Variants in ZFAT observed in about 807,000 individuals in gnomAD.
The protein encoded by ZFAT is zinc finger protein ZFAT.
In ZFAT, 64 loss-of-function variants were observed where a neutral mutation model predicts 117.7. That is an observed-to-expected ratio of 0.54 (90% CI 0.44 to 0.67). The LOEUF (loss-of-function observed/expected upper bound fraction) is 0.67, where lower values mean the gene tolerates loss of function less well. Among genes scored for constraint, ZFAT ranks in the 30% least tolerant of loss-of-function variants. The probability of loss-of-function intolerance (pLI) is 0.00; values close to 1 mark genes in which losing one functional copy is unlikely to be tolerated. For synonymous variants in ZFAT, 679 were observed against 615.0 expected (o/e 1.10, Z -1.54); for missense variants, 1,433 against 1,584.5 (o/e 0.90, Z 1.62).
At chr8:134,726,068 A>G in the ZFAT span, among the ~76,000 whole-genome samples, 32 of 152,054 alleles carry the variant, frequency 2.1e-4, no homozygotes, top group Non-Finnish European at 4.0e-4. Flanking sequence ...AACAGACAAG[A>G]GTCCTCCTTT....
intron 15 of ZFAT, 149 bp downstream of exon 15, chr8:134,509,470 A>G: frequency 9.6e-7 from 1 of 1,043,986 alleles, no homozygotes; most frequent in East Asian, 2.9e-5. Context: ...CCATGAGATC[A>G]GAGGTAGAAT....
intron 2 of ZFAT, among the ~76,000 whole-genome samples, chr8:134,645,700 C>T (rs1453517117): frequency 6.6e-6 from 1 of 152,208 alleles, no homozygotes; most frequent in Admixed American, 6.5e-5. Context: ...GTTTTAACTC[C>T]TCTGAGTCTC....
chr8:134,619,142 A>C lies in ZFAT; in HGVS notation c.449-8487T>G, dbSNP rs533667774. Among the ~76,000 whole-genome samples, 8 of 152,198 alleles carry C rather than the reference A, an allele frequency of 5.3e-5. No homozygotes were observed. In the South Asian group the frequency reaches 1.7e-3, roughly 32 times the overall value. ...GTCAAAAATGCACTTAAAACACCTA[A>C]CCTGCCAAATATCATAGCTTAGCCT... On this transcript the variant is annotated intron_variant, in intron 3 of 15. Transcript: ENST00000377838.
the ZFAT span, among the ~76,000 whole-genome samples, chr8:134,813,699 T>C: frequency 6.6e-6 from 1 of 152,082 alleles, no homozygotes; most frequent in African/African-American, 2.4e-5. Flanking sequence ...ATTAGAGGCG[T>C]GAGCCACCGT....
chr8:134,556,066 AGGAAGGAAG>A (rs760934540), intron 11 of ZFAT, among the ~76,000 whole-genome samples: 3,458 of 119,614 alleles, frequency 0.029, 147 homozygotes, highest in East Asian at 0.076. Flanking sequence ...GAAGGAAGGA[AGGAAGGAAG>A]GGAAGGAAGG....
chr8:134,678,645 G>A (rs990578904), intron 1 of ZFAT, among the ~76,000 whole-genome samples: 22 of 152,226 alleles, frequency 1.4e-4, no homozygotes, highest in African/African-American at 4.8e-4. Context: ...TAAGCAAAAA[G>A]AACAAAGCTG....
rs149759281 is a variant in ZFAT, at chr8:134,647,825, T to C, written c.196+9736A>G. Among the ~76,000 whole-genome samples, 487 of 152,192 alleles carry C rather than the reference T, an allele frequency of 3.2e-3. 2 individuals carry two copies. The highest frequency in any genetic ancestry group is 0.011 in the African/African-American group (441 of 41,552). Reference sequence around the variant, plus strand: ...TGAAAGATCCGTATACTAAAAACCATATCAATGAAAGACATTGAAGACGAC... The same window carrying C: ...TGAAAGATCCGTATACTAAAAACCACATCAATGAAAGACATTGAAGACGAC... On this transcript the variant is annotated intron_variant, in intron 2 of 15. Coordinates refer to ENST00000377838, the MANE Select transcript of ZFAT (RefSeq NM_020863.4).
intron 1 of ZFAT, among the ~76,000 whole-genome samples, chr8:134,695,179 G>T (rs1360524850): frequency 6.6e-6 from 1 of 152,116 alleles, no homozygotes; most frequent in African/African-American, 2.4e-5. Flanking sequence ...CCAGGGCAAG[G>T]GGGTTGCGTC....
intron 11 of ZFAT, among the ~76,000 whole-genome samples, chr8:134,557,253 A>T (rs1468817148): frequency 1.3e-5 from 2 of 152,228 alleles, no homozygotes; most frequent in Non-Finnish European, 2.9e-5. Flanking sequence ...ATCCAAACTG[A>T]GGGATATTCT....
At chr8:134,664,427 C>A (rs1586915698) in intron 1 of ZFAT, among the ~76,000 whole-genome samples, 1 of 152,360 alleles carries the variant, frequency 6.6e-6, no homozygotes, top group South Asian at 2.1e-4. Context: ...CTGGCCCTGA[C>A]AGTCAGACTC....
At chr8:134,514,980 C>T (rs1820150321) in intron 13 of ZFAT, among the ~76,000 whole-genome samples, 1 of 152,146 alleles carries the variant, frequency 6.6e-6, no homozygotes, top group Non-Finnish European at 1.5e-5. Context: ...CCCAACAGGC[C>T]CTGGTGTGTG....
the ZFAT span, among the ~76,000 whole-genome samples, chr8:134,759,196 A>T: frequency 1.3e-5 from 2 of 152,242 alleles, no homozygotes; most frequent in African/African-American, 4.8e-5. Flanking sequence ...AAGTTTATGA[A>T]AACTTACACA....
chr8:134,517,754 C>A (rs983706050), intron 13 of ZFAT, among the ~76,000 whole-genome samples: 1 of 152,172 alleles, frequency 6.6e-6, no homozygotes, highest in Non-Finnish European at 1.5e-5. Context: ...TCTTTCATGA[C>A]CTTGACGCTT....
the ZFAT span, chr8:134,783,892 G>A: frequency 9.2e-5 from 14 of 152,218 alleles, no homozygotes; most frequent in Admixed American, 9.2e-4. Flanking sequence ...GGGAAGCTGA[G>A]ACTTGGTGTC....
At chr8:134,771,968 C>T in the ZFAT span, among the ~76,000 whole-genome samples, 7 of 152,142 alleles carry the variant, frequency 4.6e-5, no homozygotes, top group African/African-American at 1.7e-4. Context: ...CCCATCAGAC[C>T]TCATGAGGCT....
the ZFAT span, among the ~76,000 whole-genome samples, chr8:134,769,733 C>G: frequency 6.6e-6 from 1 of 151,964 alleles, no homozygotes; most frequent in Non-Finnish European, 1.5e-5. Context: ...CTCCATGAGC[C>G]ACGCCTCCCC....
chr8:134,484,909 C>T (rs1817561846), intron 15 of ZFAT, among the ~76,000 whole-genome samples: 1 of 152,198 alleles, frequency 6.6e-6, no homozygotes, highest in Non-Finnish European at 1.5e-5. Context: ...GTTCCTCCCG[C>T]CTCAGCTTCC....
At chr8:134,509,598 T>C in intron 15 of ZFAT, 21 bp downstream of exon 15, 4 of 1,612,498 alleles carry the variant, frequency 2.5e-6, no homozygotes, top group Admixed American at 1.7e-5. Flanking sequence ...AGATGAATAG[T>C]TACAGAAGGA....
At chr8:134,678,254 G>A (rs527287393) in intron 1 of ZFAT, among the ~76,000 whole-genome samples, 75 of 152,276 alleles carry the variant, frequency 4.9e-4, no homozygotes, top group African/African-American at 1.7e-3. Context: ...AAAGTCTCAG[G>A]ATATAAAATC....
Sources: gnomAD v4.1 joint callset for allele counts (sites outside exome capture counted in the v4.1 genomes callset) on GRCh38, gnomAD v4.1.1 for gene constraint, MANE v1.5 for transcripts, NCBI Gene and HGNC (gene_info 2026-07-23, HGNC 2026-07-21) for gene names.